The following KIF26A variants were observed in gnomAD, a reference collection of about 807,000 sequenced individuals.
KIF26A encodes the protein kinesin family member 26A, also known as kinesin-like protein KIF26A.
A neutral mutation model predicts 126.0 loss-of-function variants in KIF26A; 74 were observed. That is an observed-to-expected ratio of 0.59 (90% confidence interval 0.49 to 0.71). The LOEUF (loss-of-function observed/expected upper bound fraction) is 0.71. Ranked by LOEUF, KIF26A falls within the 30% of genes least tolerant of loss-of-function variation. The probability of loss-of-function intolerance (pLI) is 0.00; values close to 1 mark genes in which losing one functional copy is unlikely to be tolerated. For synonymous variants in KIF26A, 1,445 were observed against 1,232.7 expected, an observed-to-expected ratio of 1.17 and a Z score of -3.61; for missense variants, 2,984 against 2,763.3, an observed-to-expected ratio of 1.08 and a Z score of -1.79.
chr14:104,143,293 C>T (rs562884225), intron 2 of KIF26A, among the ~76,000 whole-genome samples: 58 of 152,312 alleles, frequency 3.8e-4, no homozygotes, highest in African/African-American at 1.3e-3. Context: ...ACTCTCCTCC[C>T]GGCGAAGCTC....
chr14:104,150,014 C>T (rs1403030345), intron 2 of KIF26A, among the ~76,000 whole-genome samples: 6 of 152,196 alleles, frequency 3.9e-5, no homozygotes, highest in African/African-American at 1.2e-4. Context: ...TCAGCCTGTG[C>T]AGGGGCCAGT....
At position 104,180,112 on chromosome 14, in the gene KIF26A, C is replaced by T. The variant is rs79259005; in HGVS notation, c.*322C>T. The T allele has an allele frequency of 0.015, 4,195 of 283,668 alleles. 41 individuals carry two copies. The highest frequency in any genetic ancestry group is 0.022 in the Middle Eastern group (22 of 1,008). 17.6% of individuals were successfully genotyped at this position (283,668 alleles called of 1,614,324 possible). A position where few individuals can be genotyped will look rare whatever the true frequency, so the allele number is the denominator to read the frequency against. On this transcript the variant is annotated 3_prime_UTR_variant, in exon 15 of 15. Transcript: ENST00000423312. ...AGAAGTTGTGTTCAGCCCGGCCCCG[C>T]TGCGCCTGTCCGGGCCGGGGCTGGC...
chr14:104,165,280 T>C (rs2037877076), intron 4 of KIF26A, among the ~76,000 whole-genome samples: 1 of 152,000 alleles, frequency 6.6e-6, no homozygotes, highest in South Asian at 2.1e-4. Flanking sequence ...TCTCTATGCA[T>C]GTGTGTGTCT....
chr14:104,155,184 A>G (rs1394802512), intron 3 of KIF26A, among the ~76,000 whole-genome samples: 1 of 151,646 alleles, frequency 6.6e-6, no homozygotes, highest in Non-Finnish European at 1.5e-5. Context: ...TTTCTCCCCC[A>G]CTTCTCAGCA....
In KIF26A at chr14:104,172,577, C is replaced by T. The variant is rs550657002; in HGVS notation, c.1329C>T (p.Ala443=). 5.3e-5 allele frequency: 85 copies of T among 1,611,822 alleles called. No homozygotes were observed. Among genetic ancestry groups the T allele is most frequent in the Non-Finnish European group, 6.4e-5 (75 of 1,179,044 alleles). ...GCCTGATTCTCTTGCCCCCCTAGGC[C>T]GAAGTCTGCTCGGGGACCGTGGCCG... is the stretch of plus-strand genomic sequence containing the variant. ...DAVFPQDSEQ[A]EVCSGTVADV... is the part of the protein sequence containing the mutation. Residue 443 remains alanine (A), a splice_region_variant and synonymous_variant, in exon 7 of 15, where the codon GCC becomes GCT. Coordinates refer to ENST00000423312, the MANE Select transcript of KIF26A (RefSeq NM_015656.2).
rs745487556 is a variant in KIF26A, at chr14:104,177,884, A to T, written c.5096A>T (p.Lys1699Met). 1 of 1,540,536 alleles carries T rather than the reference A, an allele frequency of 6.5e-7. No homozygotes were observed. The highest frequency in any genetic ancestry group is 8.7e-7 in the Non-Finnish European group (1 of 1,150,934). Reference protein sequence around the residue: ...GARTRSLKSPKKRATGLQRRR... With the variant: ...GARTRSLKSPMKRATGLQRRR... ...CGCACCCGCAGCCTCAAGTCCCCCAAGAAGAGGGCCACAGGTGGGTGCAGA... is the reference window on the plus strand; with the variant it reads ...CGCACCCGCAGCCTCAAGTCCCCCATGAAGAGGGCCACAGGTGGGTGCAGA... The change falls in exon 12 of 15, where the codon AAG (lysine) becomes ATG (methionine). Residue 1699 changes from lysine to methionine, a missense_variant. Physicochemically the swap from Lys to Met is moderately conservative, Grantham distance 95. Transcript: ENST00000423312.
At chr14:104,139,613 C>T (rs1025217438) in intron 2 of KIF26A, among the ~76,000 whole-genome samples, 1 of 152,180 alleles carries the variant, frequency 6.6e-6, no homozygotes, top group African/African-American at 2.4e-5. Flanking sequence ...AGGGACTCCA[C>T]CCAGGGCGGG....
intron 4 of KIF26A, 58 bp downstream of exon 4, chr14:104,158,000 G>A: frequency 7.0e-7 from 1 of 1,433,932 alleles, no homozygotes; most frequent in Non-Finnish European, 9.2e-7. Context: ...CCCCGGCTGT[G>A]GGCCCCTGGG....
chr14:104,176,692 C>A lies in KIF26A; in HGVS notation c.3904C>A (p.Arg1302=), dbSNP rs137995213. The A allele has an allele frequency of 1.3e-6, 2 of 1,590,648 alleles. No homozygotes were observed. The highest frequency in any genetic ancestry group is 1.3e-5 in the African/African-American group (1 of 74,792). ...RAARRPEAVA[R]IPPLRRGATT... ...GGCCCGCAGGCCAGAGGCTGTGGCT[C>A]GGATCCCACCGCTGCGGAGGGGTGC... The change falls in exon 12 of 15, where the codon CGG becomes AGG. Residue 1302 remains arginine, a synonymous_variant. Coordinates refer to ENST00000423312, the MANE Select transcript of KIF26A (RefSeq NM_015656.2).
At chr14:104,161,216 G>C (rs901140772) in intron 4 of KIF26A, among the ~76,000 whole-genome samples, 2 of 152,088 alleles carry the variant, frequency 1.3e-5, no homozygotes, top group Non-Finnish European at 2.9e-5. Flanking sequence ...CCCCTTCGCA[G>C]GTCTGCAGGA....
intron 4 of KIF26A, among the ~76,000 whole-genome samples, chr14:104,160,445 C>T (rs902075539): frequency 1.3e-5 from 2 of 152,118 alleles, no homozygotes; most frequent in East Asian, 3.9e-4. Flanking sequence ...CCCGGGTACC[C>T]GAGTTTCGTT....
intron 10 of KIF26A, 43 bp downstream of exon 10, chr14:104,173,911 T>C: frequency 6.5e-7 from 1 of 1,527,232 alleles, no homozygotes; most frequent in Non-Finnish European, 8.8e-7. Context: ...GGTGGCCCCT[T>C]GGTGACCTGG....
At chr14:104,162,930 G>A (rs754386193) in intron 4 of KIF26A, among the ~76,000 whole-genome samples, 49 of 152,124 alleles carry the variant, frequency 3.2e-4, no homozygotes, top group Non-Finnish European at 5.9e-4. Flanking sequence ...CCCCCGCCCC[G>A]CCCCAAGAAA....
At chr14:104,139,382 T>C (rs2037615213) in intron 2 of KIF26A, 94 bp downstream of exon 2, 2 of 1,308,380 alleles carry the variant, frequency 1.5e-6, no homozygotes, top group East Asian at 3.1e-5. Flanking sequence ...GTTCCACTCC[T>C]TCCCTGCTGC....
Position 104,176,171 on chromosome 14 carries a change from C to T in KIF26A, c.3383C>T (p.Thr1128Met), listed in dbSNP as rs199867714. 4.6e-5 allele frequency: 74 copies of T among 1,592,790 alleles called. No homozygotes were observed. In the African/African-American group the frequency reaches 5.5e-4, roughly 12 times the overall value. The change falls in exon 12 of 15, where the codon ACG (threonine) becomes ATG (methionine). Residue 1128 changes from threonine to methionine, a missense_variant. Transcript: ENST00000423312. The stretch of plus-strand genomic sequence containing the variant: ...TGCACTGCCGACAGCCGTGACCCCA[C>T]GCCGCAGCCCCGCTTCAGCCCCGAC... ...SVCTADSRDP[T>M]PQPRFSPDSL...
In KIF26A at chr14:104,177,112, G is replaced by A. The variant is rs868018124; in HGVS notation, c.4324G>A (p.Glu1442Lys). The change falls in exon 12 of 15, where the codon GAA becomes AAA. Residue 1442 changes from glutamate (E) to lysine (K), a missense_variant. Glu to Lys is a moderately conservative substitution (Grantham distance 56, BLOSUM62 1). Transcript: ENST00000423312. ...CGGACACGCGTCTCTGGAGCGGTAC[G>A]AAGGCCTGGCGCACAGCAGCAGCAA... ...LAGHASLERY[E>K]GLAHSSSKGR... The A allele has an allele frequency of 6.9e-6, 11 of 1,597,500 alleles. No individual in the cohort carries two copies. Among genetic ancestry groups the A allele is most frequent in the Middle Eastern group, 1.6e-4 (1 of 6,074 alleles).
intron 4 of KIF26A, among the ~76,000 whole-genome samples, chr14:104,162,478 C>T (rs188921099): frequency 9.2e-5 from 14 of 152,322 alleles, no homozygotes; most frequent in Admixed American, 1.3e-4. Flanking sequence ...GGGCAAAGGG[C>T]CAGCCTGGTT....
chr14:104,166,502 A>G (rs956040387), intron 4 of KIF26A, among the ~76,000 whole-genome samples: 1 of 152,100 alleles, frequency 6.6e-6, no homozygotes, highest in East Asian at 1.9e-4. Context: ...AGCAGCTTTC[A>G]CTGTCCGACC....
At chr14:104,173,905 G>T in intron 10 of KIF26A, 37 bp downstream of exon 10, 1 of 1,532,972 alleles carries the variant, frequency 6.5e-7, no homozygotes, top group Non-Finnish European at 8.7e-7. Context: ...GACCAGGGTG[G>T]CCCCTTGGTG....
Sources: gnomAD v4.1 joint callset for allele counts (sites outside exome capture counted in the v4.1 genomes callset) on GRCh38, gnomAD v4.1.1 for gene constraint, MANE v1.5 for transcripts, NCBI Gene and HGNC (gene_info 2026-07-23, HGNC 2026-07-21) for gene names.